Variants in ZNF239 observed in about 807,000 individuals in gnomAD.
ZNF239 encodes the protein zinc finger protein (C2H2) homologous to mouse MOK-2.
ZNF239 carries 16 observed loss-of-function variants against 27.5 expected under a neutral mutation model. That is an observed-to-expected ratio of 0.58 (90% CI 0.39 to 0.88). The LOEUF is 0.88. ZNF239 is among the 40% of genes least tolerant of loss of function. The probability of loss-of-function intolerance (pLI) is 0.00; values close to 1 mark genes in which losing one functional copy is unlikely to be tolerated. For missense variants in ZNF239, 527 were observed against 551.9 expected (o/e 0.95, Z 0.45); for synonymous variants, 199 against 192.6 (o/e 1.03, Z -0.27).
intron 2 of ZNF239, among the ~76,000 whole-genome samples, chr10:43,571,343 C>G (rs575387338): frequency 7.4e-4 from 111 of 150,670 alleles, no homozygotes; most frequent in Admixed American, 2.0e-3. Flanking sequence ...ACACTTGAGT[C>G]TAGCACAGTC....
chr10:43,573,407 C>T (rs1296664135), intron 2 of ZNF239, among the ~76,000 whole-genome samples: 1 of 152,184 alleles, frequency 6.6e-6, no homozygotes, highest in African/African-American at 2.4e-5. Context: ...GGGCACAGCC[C>T]ACTGCTCTGA....
At position 43,557,113 on chromosome 10, in the gene ZNF239, C is replaced by G; in HGVS notation, c.967G>C (p.Glu323Gln). 1 of 1,607,540 alleles carries G rather than the reference C, an allele frequency of 6.2e-7. No homozygotes were observed. The change falls in exon 4 of 4, where the codon GAG becomes CAG. Residue 323 changes from glutamate (E) to glutamine (Q), a missense_variant. Physicochemically the swap from Glu to Gln is conservative, Grantham distance 29. Transcript: ENST00000374446. ...HTGEKPYECE[E>Q]CGMSFSQRSN... Reference sequence around the variant, plus strand: ...CGCTGACTGAAGCTCATACCACACTCCTCACACTCATAGGGCTTCTCTCCA... The same window carrying G: ...CGCTGACTGAAGCTCATACCACACTGCTCACACTCATAGGGCTTCTCTCCA...
chr10:43,562,505 C>T (rs999633255), intron 3 of ZNF239, among the ~76,000 whole-genome samples: 1 of 152,096 alleles, frequency 6.6e-6, no homozygotes, highest in East Asian at 1.9e-4. Flanking sequence ...TCACTGTGCA[C>T]GTTTTATATT....
Position 43,557,506 on chromosome 10 carries a change from GGCTGGTGTTAA to G in ZNF239, c.563_573del (p.Leu188ProfsTer7). The G allele has an allele frequency of 6.2e-7, 1 of 1,614,130 alleles. No homozygotes were observed. The highest frequency in any genetic ancestry group is 8.5e-7 in the Non-Finnish European group (1 of 1,180,022). On this transcript the variant is annotated frameshift_variant, in exon 4 of 4. Coordinates refer to ENST00000374446, the MANE Select transcript of ZNF239 (RefSeq NM_001099282.2). LOFTEE classifies it high-confidence loss of function. ...ATTTTCTCATATGGATGACCATCTGGGCTGGTGTTAAGTATTTTCCCACAGTTATTATGGTC... is the reference window on the plus strand; with the variant it reads ...ATTTTCTCATATGGATGACCATCTGGGTATTTTCCCACAGTTATTATGGTC...
intron 3 of ZNF239, among the ~76,000 whole-genome samples, chr10:43,561,620 C>A (rs1837258366): frequency 6.6e-6 from 1 of 152,040 alleles, no homozygotes; most frequent in Admixed American, 6.6e-5. Context: ...TATACTATAG[C>A]AAAATTTTTT....
intron 1 of ZNF239, among the ~76,000 whole-genome samples, chr10:43,574,313 A>G (rs1410327799): frequency 6.6e-6 from 1 of 152,164 alleles, no homozygotes; most frequent in Non-Finnish European, 1.5e-5. Flanking sequence ...GCAGGGCCCC[A>G]CAGGCTTCGG....
rs377639897 is a variant in ZNF239, at chr10:43,556,778, G to A, written c.1302C>T (p.Ser434=). Residue 434 remains serine (S), a synonymous_variant, in exon 4 of 4, where the codon AGC becomes AGT. Coordinates refer to ENST00000374446, the MANE Select transcript of ZNF239 (RefSeq NM_001099282.2). ...TCTGGCTGAAGCCCTTCCCACACTT[G>A]CTGCACTCATAGGGCTTCTCTCCAG... ...VHTGEKPYEC[S]KCGKGFSQSS... 11 of 1,611,778 alleles carry A rather than the reference G, an allele frequency of 6.8e-6. No homozygotes were observed. In the African/African-American group the frequency reaches 1.5e-4, roughly 22 times the overall value.
Position 43,557,690 on chromosome 10 carries a change from T to A in ZNF239, c.390A>T (p.Pro130=), listed in dbSNP as rs1199543552. Residue 130 remains proline, a synonymous_variant, in exon 4 of 4, where the codon CCA becomes CCT. Coordinates refer to ENST00000374446, the MANE Select transcript of ZNF239 (RefSeq NM_001099282.2). ...LVSDGQELAS[P]LLNGEATCQN... ...GGCAAGTTGCCTCACCATTTAACAA[T>A]GGCGAGGCCAGTTCTTGTCCATCAG... 1 of 1,614,184 alleles carries A rather than the reference T, an allele frequency of 6.2e-7. No homozygotes were observed. Among genetic ancestry groups the A allele is most frequent in the African/African-American group, 1.3e-5 (1 of 75,062 alleles).
rs772694156 is a variant in ZNF239 at position 43,557,102 on chromosome 10, C to G, written c.978G>C (p.Met326Ile). Residue 326 changes from methionine to isoleucine, a missense_variant, in exon 4 of 4, where the codon ATG becomes ATC. Physicochemically the swap from Met to Ile is conservative, Grantham distance 10. Coordinates refer to ENST00000374446, the MANE Select transcript of ZNF239 (RefSeq NM_001099282.2). The stretch of plus-strand genomic sequence containing the variant: ...GCAGGTTTGAGCGCTGACTGAAGCT[C>G]ATACCACACTCCTCACACTCATAGG... ...EKPYECEECG[M>I]SFSQRSNLHI... 1 of 1,613,058 alleles carries G rather than the reference C, an allele frequency of 6.2e-7. No homozygotes were observed. Among genetic ancestry groups the G allele is most frequent in the East Asian group, 2.2e-5 (1 of 44,854 alleles).
intron 3 of ZNF239, among the ~76,000 whole-genome samples, chr10:43,565,378 C>T (rs1837560542): frequency 6.6e-6 from 1 of 152,212 alleles, no homozygotes; most frequent in East Asian, 1.9e-4. Context: ...GCCACCACAC[C>T]TGGCCAAACA....
intron 2 of ZNF239, chr10:43,570,247 G>T: frequency 1.0e-6 from 1 of 985,320 alleles, no homozygotes; most frequent in Non-Finnish European, 1.2e-6. Context: ...CAAGCTTTCT[G>T]TTCAAGGTCA....
chr10:43,558,465 T>C (rs888649271), intron 3 of ZNF239, among the ~76,000 whole-genome samples: 4 of 152,182 alleles, frequency 2.6e-5, no homozygotes, highest in African/African-American at 9.7e-5. Context: ...ATTTTTTTTT[T>C]TGAGACAGAG....
At chr10:43,572,615 C>T (rs1031285255) in intron 2 of ZNF239, among the ~76,000 whole-genome samples, 4 of 152,166 alleles carry the variant, frequency 2.6e-5, no homozygotes, top group Admixed American at 2.6e-4. Context: ...GGACAAGGCA[C>T]TTTCCTTCGG....
Position 43,573,668 on chromosome 10 carries a change from G to C in ZNF239, c.-247C>G, listed in dbSNP as rs1262042060. The C allele has an allele frequency of 2.0e-6, 2 of 985,204 alleles. No individual in the cohort carries two copies. The highest frequency in any genetic ancestry group is 3.5e-5 in the African/African-American group (2 of 57,192). 61.0% of individuals were successfully genotyped at this position (985,204 alleles called of 1,614,324 possible). A position where few individuals can be genotyped will look rare whatever the true frequency, so the allele number is the denominator to read the frequency against. On this transcript the variant is annotated 5_prime_UTR_variant, in exon 2 of 4. Transcript: ENST00000374446. ...CCTGGTCATTTCTTACTCCCAGAGG[G>C]GATGGATTCCTGGAAAGGCAGAGTT...
At chr10:43,564,546 A>C (rs1837501285) in intron 3 of ZNF239, among the ~76,000 whole-genome samples, 2 of 152,016 alleles carry the variant, frequency 1.3e-5, no homozygotes, top group South Asian at 2.1e-4. Flanking sequence ...TTTTTTAAAA[A>C]ATTTTTTTAT....
chr10:43,566,953 G>C (rs1837696092), intron 3 of ZNF239, among the ~76,000 whole-genome samples: 1 of 152,142 alleles, frequency 6.6e-6, no homozygotes, highest in African/African-American at 2.4e-5. Context: ...ATCTGGCCGG[G>C]TGTGGTGGCT....
chr10:43,562,826 T>C (rs1416826642), intron 3 of ZNF239, among the ~76,000 whole-genome samples: 4 of 152,214 alleles, frequency 2.6e-5, no homozygotes, highest in Non-Finnish European at 5.9e-5. Flanking sequence ...TTTGTAGCGT[T>C]AAATCATGAA....
intron 1 of ZNF239, among the ~76,000 whole-genome samples, chr10:43,574,139 G>T (rs769711518): frequency 3.3e-5 from 5 of 152,186 alleles, no homozygotes; most frequent in Non-Finnish European, 7.3e-5. Context: ...GTCTCTTACA[G>T]GAGCCCCCGT....
At position 43,556,831 on chromosome 10, in the gene ZNF239, TG is replaced by T; in HGVS notation, c.1248del (p.Lys417AsnfsTer44). ...GKCGKGFSQSSKLLIHQRVHT... is the reference protein window; with the variant it reads ...GKCGKGFSQSXKLLIHQRVHT... The stretch of plus-strand genomic sequence containing the variant: ...TGTACTCTCTGGTGGATGAGGAGTT[TG>T]GAACTCTGGCTAAATCCCTTCCCAC... On this transcript the variant is annotated frameshift_variant, in exon 4 of 4. Transcript: ENST00000374446. LOFTEE classifies it high-confidence loss of function. 4.3e-6 allele frequency: 7 copies of T among 1,613,774 alleles called. No homozygotes were observed. Among genetic ancestry groups the T allele is most frequent in the Non-Finnish European group, 5.9e-6 (7 of 1,179,972 alleles).
Sources: allele counts gnomAD v4.1 joint callset (sites outside exome capture counted in the v4.1 genomes callset), GRCh38; gene constraint gnomAD v4.1.1; transcripts MANE v1.5; gene names NCBI Gene and HGNC (gene_info 2026-07-23, HGNC 2026-07-21).